Variants in HPCA observed in about 807,000 individuals in gnomAD.
The protein encoded by HPCA is neuron-specific calcium-binding protein hippocalcin.
A neutral mutation model predicts 18.2 loss-of-function variants in HPCA; 4 were observed. The ratio of observed to expected loss-of-function variants is 0.22; its 90% CI spans 0.11 to 0.50. HPCA has a LOEUF of 0.50. Among genes scored for constraint, HPCA ranks in the 20% least tolerant of loss-of-function variants. HPCA has a pLI of 0.97. For missense variants in HPCA, 161 were observed against 265.8 expected (o/e 0.61, Z 2.74); for synonymous variants, 93 against 103.5 (o/e 0.90, Z 0.61).
chr1:32,892,366 A>G (rs1365951749), intron 2 of HPCA, among the ~76,000 whole-genome samples: 1 of 152,194 alleles, frequency 6.6e-6, no homozygotes, highest in East Asian at 1.9e-4. Flanking sequence ...GCAAAGACAT[A>G]ATTACTTCTG....
rs989406657 is a variant in HPCA, at chr1:32,889,933, T to C, written c.378+657T>C. ...CAGAGGAAACGGATGCTCAGAGAGA[T>C]AAAGGCACTTGCTTGAGGCCACACA... On this transcript the variant is annotated intron_variant, in intron 2 of 3. Transcript: ENST00000373467. The surrounding 1 kb of genome is among the most constrained non-coding windows in gnomAD (Gnocchi z 4.6). Among the ~76,000 whole-genome samples, 13 of 152,212 alleles carry C rather than the reference T, an allele frequency of 8.5e-5. No individual in the cohort carries two copies. Among genetic ancestry groups the C allele is most frequent in the African/African-American group, 2.4e-4 (10 of 41,458 alleles).
rs2124029110 is a variant in HPCA at position 32,893,358 on chromosome 1, G to C, written c.379-166G>C. On this transcript the variant is annotated intron_variant, in intron 2 of 3. Transcript: ENST00000373467. This position sits in a 1 kb window ranked among gnomAD's most constrained non-coding sequence, Gnocchi z 7.5. ...CCCTCTCTTCTGGGAGGCCTTCCCG[G>C]ACACGCCTTCCCGAAGCCCTCGGCT... Among the ~76,000 whole-genome samples the C allele has an allele frequency of 6.6e-6, 1 of 152,258 alleles. No homozygotes were observed. Among genetic ancestry groups the C allele is most frequent in the African/African-American group, 2.4e-5 (1 of 41,558 alleles).
upstream of HPCA, chr1:32,886,083 A>G (rs1314954741): frequency 1.3e-5 from 2 of 152,350 alleles, no homozygotes; most frequent in Non-Finnish European, 2.9e-5. This position sits in a 1 kb window ranked among gnomAD's most constrained non-coding sequence, Gnocchi z 7.0. Context: ...CAGGGTGCCA[A>G]TTCGGCCCTC....
At position 32,886,575 on chromosome 1, in the gene HPCA, G is replaced by T. The variant is rs1368803766; in HGVS notation, c.-22+60G>T. On this transcript the variant is annotated intron_variant, in intron 1 of 3. Coordinates refer to ENST00000373467, the MANE Select transcript of HPCA (RefSeq NM_002143.3). This position sits in a 1 kb window ranked among gnomAD's most constrained non-coding sequence, Gnocchi z 7.0. ...TGAGGGCAGGGGGTTCCCGGAGCTG[G>T]GGGCCCACGTCCAGGGCTTCCCAAC... 4 of 152,196 alleles carry T rather than the reference G, an allele frequency of 2.6e-5. No homozygotes were observed. The highest frequency in any genetic ancestry group is 5.9e-5 in the Non-Finnish European group (4 of 68,052). 9.4% of individuals were successfully genotyped at this position (152,196 alleles called of 1,614,324 possible).
chr1:32,892,907 C>T lies in HPCA; in HGVS notation c.379-617C>T, dbSNP rs1641479996. Among the ~76,000 whole-genome samples, 6 of 152,292 alleles carry T rather than the reference C, an allele frequency of 3.9e-5. No individual in the cohort carries two copies. The South Asian group carries it at 1.2e-3, about 32-fold the overall frequency. ...GCTACTGCACGTGGCGGCTGCCGCC[C>T]TCTGCCCAGCCCAGCCTAGCCAAGC... On this transcript the variant is annotated intron_variant, in intron 2 of 3. Coordinates refer to ENST00000373467, the MANE Select transcript of HPCA (RefSeq NM_002143.3).
Position 32,893,505 on chromosome 1 carries a change from C to A in HPCA, c.379-19C>A. 4 of 1,567,450 alleles carry A rather than the reference C, an allele frequency of 2.6e-6. No individual in the cohort carries two copies. The highest frequency in any genetic ancestry group is 2.6e-6 in the Non-Finnish European group (3 of 1,138,572). Reference sequence around the variant, plus strand: ...TCGGGCAGGCTCCTCTCACTCCCCGCCTCCCCTCCCGCCCCCAGGCCATTT... The same window carrying A: ...TCGGGCAGGCTCCTCTCACTCCCCGACTCCCCTCCCGCCCCCAGGCCATTT... On this transcript the variant is annotated intron_variant, in intron 2 of 3. Transcript: ENST00000373467. This position sits in a 1 kb window ranked among gnomAD's most constrained non-coding sequence, Gnocchi z 7.5.
chr1:32,887,606 C>T (rs1208636513), intron 1 of HPCA, among the ~76,000 whole-genome samples: 7 of 152,070 alleles, frequency 4.6e-5, no homozygotes. Flanking sequence ...GGGGGGTCTC[C>T]TTGGAAAAGG....
intron 2 of HPCA, among the ~76,000 whole-genome samples, chr1:32,892,759 G>A (rs1276725295): frequency 6.6e-6 from 1 of 152,192 alleles, no homozygotes; most frequent in Non-Finnish European, 1.5e-5. Flanking sequence ...GTCGGGTAAA[G>A]CTGGAAGATT....
chr1:32,893,975 CG>C lies in HPCA; in HGVS notation c.*116del. ...GCCAGATTGGGGAAGCCCTTCTCCC[CG>C]GGTCTGCCCTGTGGGGGGCTTCCGG... On this transcript the variant is annotated 3_prime_UTR_variant, in exon 4 of 4. Transcript: ENST00000373467. The surrounding 1 kb of genome is among the most constrained non-coding windows in gnomAD (Gnocchi z 7.5). 1.2e-6 allele frequency: 1 copy of C among 819,622 alleles called. No homozygotes were observed. Among genetic ancestry groups the C allele is most frequent in the Non-Finnish European group, 1.9e-6 (1 of 518,138 alleles). 50.8% of individuals were successfully genotyped at this position (819,622 alleles called of 1,614,324 possible).
In HPCA at chr1:32,894,556, T is replaced by C; in HGVS notation, c.*694T>C. On this transcript the variant is annotated 3_prime_UTR_variant, in exon 4 of 4. Coordinates refer to ENST00000373467, the MANE Select transcript of HPCA (RefSeq NM_002143.3). Reference sequence around the variant, plus strand: ...CCCTGGCTGAGCCCCTGTCCTCCCCTCTGTCCCCCCAACCGCCCCCCCTGC... The same window carrying C: ...CCCTGGCTGAGCCCCTGTCCTCCCCCCTGTCCCCCCAACCGCCCCCCCTGC... 3 of 304,574 alleles carry C rather than the reference T, an allele frequency of 9.8e-6. No homozygotes were observed. Among genetic ancestry groups the C allele is most frequent in the Non-Finnish European group, 6.5e-6 (1 of 154,916 alleles). The allele number at this position is 304,574 out of a possible 1,614,324, so 18.9% of individuals were successfully genotyped here.
In HPCA at chr1:32,892,788, C is replaced by T. The variant is rs187302760; in HGVS notation, c.379-736C>T. Among the ~76,000 whole-genome samples the T allele has an allele frequency of 1.4e-3, 208 of 152,248 alleles. 1 individual carries two copies. The highest frequency in any genetic ancestry group is 3.9e-3 in the African/African-American group (160 of 41,534). Reference sequence around the variant, plus strand: ...GAAGATTGAGGAGACAGGTTCGGTCCTTGAGCTCCAAGGCACTGCGACCCA... The same window carrying T: ...GAAGATTGAGGAGACAGGTTCGGTCTTTGAGCTCCAAGGCACTGCGACCCA... On this transcript the variant is annotated intron_variant, in intron 2 of 3. Coordinates refer to ENST00000373467, the MANE Select transcript of HPCA (RefSeq NM_002143.3).
intron 2 of HPCA, among the ~76,000 whole-genome samples, chr1:32,891,720 G>T (rs1641455677): frequency 1.3e-5 from 2 of 152,182 alleles, no homozygotes; most frequent in Admixed American, 6.5e-5. Context: ...CACCACTCCA[G>T]GTCCATCTAA....
chr1:32,888,036 GCACCTGGGTATAT>G (rs1319680811), intron 1 of HPCA, among the ~76,000 whole-genome samples: 1 of 152,116 alleles, frequency 6.6e-6, no homozygotes, highest in Non-Finnish European at 1.5e-5. Flanking sequence ...GAGTTTTGTG[GCACCTGGGTATAT>G]GTAAGTCATT....
chr1:32,886,999 G>A lies in HPCA; in HGVS notation c.-22+484G>A, dbSNP rs895950988. Among the ~76,000 whole-genome samples, 1 of 152,144 alleles carries A rather than the reference G, an allele frequency of 6.6e-6. No homozygotes were observed. Among genetic ancestry groups the A allele is most frequent in the African/African-American group, 2.4e-5 (1 of 41,418 alleles). On this transcript the variant is annotated intron_variant, in intron 1 of 3. Coordinates refer to ENST00000373467, the MANE Select transcript of HPCA (RefSeq NM_002143.3). The surrounding 1 kb of genome is among the most constrained non-coding windows in gnomAD (Gnocchi z 7.0). The stretch of plus-strand genomic sequence containing the variant: ...GCTCTCTTGCTCCGCGCATCTCTCT[G>A]CCCCCACCCCGGTGACCCAGTTCCT...
intron 2 of HPCA, among the ~76,000 whole-genome samples, chr1:32,892,581 G>A (rs952423405): frequency 6.6e-6 from 1 of 152,132 alleles, no homozygotes; most frequent in Non-Finnish European, 1.5e-5. Flanking sequence ...TGTGCAGGCT[G>A]GGGACGTAAC....
chr1:32,891,489 G>T (rs1478056171), intron 2 of HPCA, among the ~76,000 whole-genome samples: 1 of 152,178 alleles, frequency 6.6e-6, no homozygotes, highest in Non-Finnish European at 1.5e-5. Flanking sequence ...AGTGACAGGG[G>T]TGTAAAGGTG....
chr1:32,890,082 G>C lies in HPCA; in HGVS notation c.378+806G>C, dbSNP rs117919038. On this transcript the variant is annotated intron_variant, in intron 2 of 3. Transcript: ENST00000373467. The stretch of plus-strand genomic sequence containing the variant: ...ATTGAGTGAGGTGCTCATGAGCTCA[G>C]TGCGTGCTTACAACAACCCCATGAG... Among the ~76,000 whole-genome samples the C allele has an allele frequency of 3.9e-5, 6 of 152,306 alleles. No homozygotes were observed. In the East Asian group the frequency reaches 5.8e-4, roughly 15 times the overall value.
At chr1:32,890,086 G>A (rs980885450) in intron 2 of HPCA, among the ~76,000 whole-genome samples, 3 of 152,186 alleles carry the variant, frequency 2.0e-5, no homozygotes, top group Admixed American at 6.5e-5. Context: ...AGCTCAGTGC[G>A]TGCTTACAAC....
Position 32,893,492 on chromosome 1 carries a change from C to T in HPCA, c.379-32C>T, listed in dbSNP as rs1312249202. 1 of 1,492,012 alleles carries T rather than the reference C, an allele frequency of 6.7e-7. No individual in the cohort carries two copies. The highest frequency in any genetic ancestry group is 9.3e-7 in the Non-Finnish European group (1 of 1,071,548). 92.4% of individuals were successfully genotyped at this position (1,492,012 alleles called of 1,614,324 possible). On this transcript the variant is annotated intron_variant, in intron 2 of 3. Coordinates refer to ENST00000373467, the MANE Select transcript of HPCA (RefSeq NM_002143.3). The surrounding 1 kb of genome is among the most constrained non-coding windows in gnomAD (Gnocchi z 7.5). ...TGCGGGTGGGGGCTCGGGCAGGCTC[C>T]TCTCACTCCCCGCCTCCCCTCCCGC...
Sources: gnomAD v4.1 joint callset for allele counts (sites outside exome capture counted in the v4.1 genomes callset) on GRCh38, gnomAD v4.1.1 for gene constraint, Gnocchi (gnomAD v3.1) non-coding constraint, MANE v1.5 for transcripts, NCBI Gene and HGNC (gene_info 2026-07-23, HGNC 2026-07-21) for gene names.